The following SLC60A1 variants were observed in gnomAD, a reference collection of about 807,000 sequenced individuals.
The protein encoded by SLC60A1 is solute carrier family 60 member 1.
chr1:205,593,252 C>T, the SLC60A1 span, among the ~76,000 whole-genome samples: 9 of 151,878 alleles, frequency 5.9e-5, no homozygotes, highest in Admixed American at 5.9e-4. Context: ...AGGCGGATCA[C>T]GAGGTCAGGA....
chr1:205,596,140 A>G, the SLC60A1 span, among the ~76,000 whole-genome samples: 231 of 151,322 alleles, frequency 1.5e-3, no homozygotes, highest in Admixed American at 2.4e-3. Context: ...CCATTTTATT[A>G]AAAAAAAATA....
chr1:205,583,805 T>G, the SLC60A1 span: 1 of 1,052,244 alleles, frequency 9.5e-7, no homozygotes, highest in Non-Finnish European at 1.3e-6. Flanking sequence ...ACCTGGCTTC[T>G]TAGGTTGGGA....
At chr1:205,580,019 C>A in the SLC60A1 span, 2 of 1,474,092 alleles carry the variant, frequency 1.4e-6, no homozygotes, top group South Asian at 1.3e-5. The surrounding 1 kb of genome is among the most constrained non-coding windows in gnomAD (Gnocchi z 5.0). Flanking sequence ...CCCCCTCAGT[C>A]TCTCCCAGCC....
the SLC60A1 span, among the ~76,000 whole-genome samples, chr1:205,589,951 G>T: frequency 0.031 from 4,691 of 152,246 alleles, 249 homozygotes; most frequent in African/African-American, 0.11. Context: ...TGCTGACCCA[G>T]GTGTGGGAGG....
chr1:205,599,928 AT>A, the SLC60A1 span: 49,453 of 153,242 alleles, frequency 0.32, 9,033 homozygotes, highest in Non-Finnish European at 0.42. Flanking sequence ...TGTCCTCCCT[AT>A]AAAAAGCAAA....
the SLC60A1 span, among the ~76,000 whole-genome samples, chr1:205,573,608 GA>G: frequency 3.3e-5 from 5 of 152,154 alleles, no homozygotes; most frequent in African/African-American, 1.2e-4. Context: ...GAAATCTGCA[GA>G]TACAGAAACT....
the SLC60A1 span, among the ~76,000 whole-genome samples, chr1:205,583,216 C>T: frequency 1.3e-5 from 2 of 152,186 alleles, no homozygotes; most frequent in African/African-American, 4.8e-5. Context: ...GAGCCATTTC[C>T]CACTGCTCTG....
chr1:205,570,314 A>C, the SLC60A1 span, among the ~76,000 whole-genome samples: 2 of 152,244 alleles, frequency 1.3e-5, no homozygotes, highest in Admixed American at 6.5e-5. Context: ...TGATTTCCCC[A>C]GTCCCAGCTC....
the SLC60A1 span, among the ~76,000 whole-genome samples, chr1:205,578,827 C>G: frequency 1.3e-4 from 20 of 152,320 alleles, no homozygotes; most frequent in Non-Finnish European, 2.5e-4. Context: ...TGAGAAAGTT[C>G]CTCTACAACC....
the SLC60A1 span, among the ~76,000 whole-genome samples, chr1:205,593,548 A>G: frequency 6.6e-6 from 1 of 151,996 alleles, no homozygotes; most frequent in African/African-American, 2.4e-5. Flanking sequence ...AGCTTCACCC[A>G]GCAGTTATCC....
the SLC60A1 span, among the ~76,000 whole-genome samples, chr1:205,593,519 G>A: frequency 2.6e-5 from 4 of 151,628 alleles, no homozygotes; most frequent in East Asian, 1.9e-4. Context: ...TGGTGTACAG[G>A]GAGAGTCAGG....
At chr1:205,588,998 G>A in the SLC60A1 span, among the ~76,000 whole-genome samples, 1 of 152,246 alleles carries the variant, frequency 6.6e-6, no homozygotes, top group East Asian at 1.9e-4. Context: ...AGTTGGTGGA[G>A]CTGATAGTTC....
the SLC60A1 span, among the ~76,000 whole-genome samples, chr1:205,596,916 A>G: frequency 1.3e-5 from 2 of 152,318 alleles, no homozygotes; most frequent in East Asian, 3.9e-4. Context: ...AGAGAAGGCA[A>G]CCAAGGCCTA....
the SLC60A1 span, chr1:205,579,572 T>C: frequency 7.5e-6 from 5 of 664,754 alleles, no homozygotes; most frequent in South Asian, 3.6e-5. Flanking sequence ...GATTGTTATC[T>C]GAGCAGACTT....
the SLC60A1 span, among the ~76,000 whole-genome samples, chr1:205,577,646 G>A: frequency 7.9e-5 from 12 of 152,162 alleles, no homozygotes; most frequent in Non-Finnish European, 1.8e-4. This position sits in a 1 kb window ranked among gnomAD's most constrained non-coding sequence, Gnocchi z 5.2. Context: ...GCCTGGCTGG[G>A]TCCGTGGCTC....
chr1:205,595,503 C>A, the SLC60A1 span, among the ~76,000 whole-genome samples: 1 of 151,986 alleles, frequency 6.6e-6, no homozygotes, highest in East Asian at 1.9e-4. Context: ...CATCTCAAGA[C>A]TTTTGTACCT....
chr1:205,574,771 G>A, the SLC60A1 span, among the ~76,000 whole-genome samples: 7 of 152,182 alleles, frequency 4.6e-5, no homozygotes, highest in Middle Eastern at 3.2e-3. Context: ...CAAGTGAACA[G>A]ACTGCAAGTT....
At chr1:205,581,347 G>C in the SLC60A1 span, among the ~76,000 whole-genome samples, 1 of 152,250 alleles carries the variant, frequency 6.6e-6, no homozygotes, top group Non-Finnish European at 1.5e-5. This position sits in a 1 kb window ranked among gnomAD's most constrained non-coding sequence, Gnocchi z 4.2. Flanking sequence ...GAGGCTAGGA[G>C]ACAGACAAGA....
chr1:205,569,286 G>A, the SLC60A1 span: 7 of 1,538,998 alleles, frequency 4.5e-6, no homozygotes, highest in African/African-American at 9.9e-5. Context: ...CCTCGGGGGC[G>A]TCTTCAAAAG....
Sources: gnomAD v4.1 joint callset for allele counts (sites outside exome capture counted in the v4.1 genomes callset) on GRCh38, gnomAD v4.1.1 for gene constraint, Gnocchi (gnomAD v3.1) non-coding constraint, MANE v1.5 for transcripts, NCBI Gene and HGNC (gene_info 2026-07-23, HGNC 2026-07-21) for gene names.